Variants in NFIX observed in about 807,000 individuals in gnomAD.
NFIX encodes the protein nuclear factor I X.
Under a neutral mutation model 53.3 loss-of-function variants are expected in NFIX, and 2 were observed. The observed-to-expected ratio is 0.04, with a 90% CI of 0.02 to 0.12. The LOEUF (loss-of-function observed/expected upper bound fraction) is 0.12, where lower values mean the gene tolerates loss of function less well. Among genes scored for constraint, NFIX ranks in the 10% least tolerant of loss-of-function variants. The pLI, the probability that NFIX is intolerant of heterozygous loss-of-function variation, is 1.00. For missense variants in NFIX, 310 were observed against 674.5 expected, an observed-to-expected ratio of 0.46 and a Z score of 5.99; for synonymous variants, 244 against 289.0, an observed-to-expected ratio of 0.84 and a Z score of 1.58.
In NFIX at chr19:13,088,147, G is replaced by C; in HGVS notation, c.1402+11G>C. ...CTCCTCCATCACCTTGTAAGTGGACGATGAAACCGAAACCACAACGCCCAG... is the reference window on the plus strand; with the variant it reads ...CTCCTCCATCACCTTGTAAGTGGACCATGAAACCGAAACCACAACGCCCAG... On this transcript the variant is annotated intron_variant, in intron 9 of 10. Coordinates refer to ENST00000592199, the MANE Select transcript of NFIX (RefSeq NM_001365902.3). The surrounding 1 kb of genome is among the most constrained non-coding windows in gnomAD (Gnocchi z 5.9). The C allele has an allele frequency of 6.5e-7, 1 of 1,536,418 alleles. No individual in the cohort carries two copies.
intron 1 of NFIX, among the ~76,000 whole-genome samples, chr19:13,017,970 C>T (rs758380607): frequency 1.3e-5 from 2 of 152,218 alleles, no homozygotes; most frequent in African/African-American, 4.8e-5. Flanking sequence ...CTGTCCTTCA[C>T]GCACTTCGGA....
intron 2 of NFIX, among the ~76,000 whole-genome samples, chr19:13,064,451 GCCCTCTCT>G (rs1426853782): frequency 6.6e-6 from 1 of 152,208 alleles, no homozygotes. Flanking sequence ...TTCCCTGTTG[GCCCTCTCT>G]CCCCCACCCC....
At position 12,996,005 on chromosome 19, in the gene NFIX, G is replaced by A; in HGVS notation, c.27+141G>A. On this transcript the variant is annotated intron_variant, in intron 1 of 10. Coordinates refer to ENST00000592199, the MANE Select transcript of NFIX (RefSeq NM_001365902.3). The surrounding 1 kb of genome is among the most constrained non-coding windows in gnomAD (Gnocchi z 5.2). The stretch of plus-strand genomic sequence containing the variant: ...GCCGCCGAGGGGTGCAGGCTGTGCC[G>A]CGGGGAGCCCAGGCACGCGTGCGGG... The A allele has an allele frequency of 4.6e-6, 1 of 216,500 alleles. No homozygotes were observed. The highest frequency in any genetic ancestry group is 7.8e-6 in the Non-Finnish European group (1 of 127,932). 13.4% of individuals were successfully genotyped at this position (216,500 alleles called of 1,614,324 possible).
chr19:13,014,976 G>T lies in NFIX; in HGVS notation c.28-10045G>T, dbSNP rs1053191191. ...TCCTGAAGTGCCTGAGGAAGAAACAGCAATGAGAAAGCAATGGGAAAAATG... is the reference window on the plus strand; with the variant it reads ...TCCTGAAGTGCCTGAGGAAGAAACATCAATGAGAAAGCAATGGGAAAAATG... On this transcript the variant is annotated intron_variant, in intron 1 of 10. Transcript: ENST00000592199. This position sits in a 1 kb window ranked among gnomAD's most constrained non-coding sequence, Gnocchi z 4.4. Among the ~76,000 whole-genome samples the T allele has an allele frequency of 6.6e-6, 1 of 152,226 alleles. No homozygotes were observed. Among genetic ancestry groups the T allele is most frequent in the Non-Finnish European group, 1.5e-5 (1 of 68,030 alleles).
At chr19:13,034,525 C>T (rs1051721093) in intron 2 of NFIX, among the ~76,000 whole-genome samples, 3 of 152,194 alleles carry the variant, frequency 2.0e-5, no homozygotes, top group African/African-American at 7.2e-5. Context: ...GTAGAGGAGG[C>T]AGGAAGTCTA....
rs1165618689 is a variant in NFIX, at chr19:13,011,545, G to T, written c.28-13476G>T. ...TGGAGGGGTGGGAGCAGAGGCAGGG[G>T]GGTGTGCCGGGACTCCCCAGACGCT... On this transcript the variant is annotated intron_variant, in intron 1 of 10. Coordinates refer to ENST00000592199, the MANE Select transcript of NFIX (RefSeq NM_001365902.3). The surrounding 1 kb of genome is among the most constrained non-coding windows in gnomAD (Gnocchi z 6.5). Among the ~76,000 whole-genome samples the T allele has an allele frequency of 6.6e-6, 1 of 152,102 alleles. No homozygotes were observed. Among genetic ancestry groups the T allele is most frequent in the African/African-American group, 2.4e-5 (1 of 41,424 alleles).
At chr19:13,053,706 T>C (rs184347783) in intron 2 of NFIX, among the ~76,000 whole-genome samples, 1 of 152,256 alleles carries the variant, frequency 6.6e-6, no homozygotes, top group East Asian at 1.9e-4. Context: ...TTGGGACATA[T>C]ACCCCCACCA....
chr19:13,062,597 C>A (rs950498378), intron 2 of NFIX, among the ~76,000 whole-genome samples: 1 of 152,218 alleles, frequency 6.6e-6, no homozygotes, highest in Non-Finnish European at 1.5e-5. Flanking sequence ...TCATGCCTTC[C>A]AGAGCTAGAG....
In NFIX at chr19:12,998,118, T is replaced by C. The variant is rs1430721342; in HGVS notation, c.27+2254T>C. ...GTCTCTGTTTTTATGACAACCTCTTTCCTTTGCTGTCTTTTTCTCGGTCTG... is the reference window on the plus strand; with the variant it reads ...GTCTCTGTTTTTATGACAACCTCTTCCCTTTGCTGTCTTTTTCTCGGTCTG... On this transcript the variant is annotated intron_variant, in intron 1 of 10. Transcript: ENST00000592199. This position sits in a 1 kb window ranked among gnomAD's most constrained non-coding sequence, Gnocchi z 4.4. Among the ~76,000 whole-genome samples, 2 of 152,214 alleles carry C rather than the reference T, an allele frequency of 1.3e-5. No homozygotes were observed. Among genetic ancestry groups the C allele is most frequent in the Non-Finnish European group, 1.5e-5 (1 of 68,036 alleles).
Position 13,093,866 on chromosome 19 carries a change from A to G in NFIX, c.1495-769A>G, listed in dbSNP as rs2018283661. Among the ~76,000 whole-genome samples the G allele has an allele frequency of 6.6e-6, 1 of 152,078 alleles. No homozygotes were observed. The highest frequency in any genetic ancestry group is 2.1e-4 in the South Asian group (1 of 4,830). ...CCTTGGATGGAGGGCGTAGCCAAGC[A>G]GCCCAGACCCTTGGGGTCTGCCCTG... On this transcript the variant is annotated intron_variant, in intron 10 of 10. Coordinates refer to ENST00000592199, the MANE Select transcript of NFIX (RefSeq NM_001365902.3). This position sits in a 1 kb window ranked among gnomAD's most constrained non-coding sequence, Gnocchi z 4.7.
intron 2 of NFIX, chr19:13,071,489 G>T (rs2016774825): frequency 6.6e-6 from 1 of 152,178 alleles, no homozygotes; most frequent in African/African-American, 2.4e-5. Context: ...AACCTCTTTT[G>T]CCAAACACAC....
In NFIX at chr19:13,049,595, C is replaced by CTTTTTTTTTTTTTTTTT. The variant is rs71168649; in HGVS notation, c.560-23436_560-23435insTTTTTTTTTTTTTTTTT. The stretch of plus-strand genomic sequence containing the variant: ...TTGTAGCAGCAAGTGTCAGTGGTTC[C>CTTTTTTTTTTTTTTTTT]TTTTTTTTTTTTTTTTGAGACAGAG... On this transcript the variant is annotated intron_variant, in intron 2 of 10. Coordinates refer to ENST00000592199, the MANE Select transcript of NFIX (RefSeq NM_001365902.3). The surrounding 1 kb of genome is among the most constrained non-coding windows in gnomAD (Gnocchi z 4.5). Among the ~76,000 whole-genome samples the CTTTTTTTTTTTTTTTTT allele has an allele frequency of 8.1e-6, 1 of 122,790 alleles. No homozygotes were observed. Among genetic ancestry groups the CTTTTTTTTTTTTTTTTT allele is most frequent in the Non-Finnish European group, 1.8e-5 (1 of 56,594 alleles). The allele number at this position is 122,790 out of a possible 152,430, so 80.6% of individuals were successfully genotyped here. A position where few individuals can be genotyped will look rare whatever the true frequency, so the allele number is the denominator to read the frequency against.
intron 2 of NFIX, among the ~76,000 whole-genome samples, chr19:13,026,750 G>C (rs1483628276): frequency 9.7e-4 from 115 of 118,396 alleles, no homozygotes; most frequent in Admixed American, 8.6e-3. Flanking sequence ...CTCTCTGTGT[G>C]TGTGTGTGTG....
rs2017213603 is a variant in NFIX, at chr19:13,078,010, C to A, written c.956-603C>A. 6.6e-6 allele frequency among the ~76,000 whole-genome samples: 1 copy of A among 152,198 alleles called. No homozygotes were observed. The highest frequency in any genetic ancestry group is 2.4e-5 in the African/African-American group (1 of 41,448). The stretch of plus-strand genomic sequence containing the variant: ...CTTCTCCCCTCTGGCTCTGCCTGCA[C>A]AGCCCGGCTAGGCCTGAGCAGCCCA... On this transcript the variant is annotated intron_variant, in intron 6 of 10. Coordinates refer to ENST00000592199, the MANE Select transcript of NFIX (RefSeq NM_001365902.3). The surrounding 1 kb of genome is among the most constrained non-coding windows in gnomAD (Gnocchi z 4.7).
rs918090280 is a variant in NFIX, at chr19:13,093,307, G to C, written c.1495-1328G>C. ...CTCAGTCCCAAACCAGAGCCTGAGAGCAGGTCTGGCCTGCAGGCAGAATGT... is the reference window on the plus strand; with the variant it reads ...CTCAGTCCCAAACCAGAGCCTGAGACCAGGTCTGGCCTGCAGGCAGAATGT... On this transcript the variant is annotated intron_variant, in intron 10 of 10. Coordinates refer to ENST00000592199, the MANE Select transcript of NFIX (RefSeq NM_001365902.3). This position sits in a 1 kb window ranked among gnomAD's most constrained non-coding sequence, Gnocchi z 4.7. Among the ~76,000 whole-genome samples, 3 of 152,266 alleles carry C rather than the reference G, an allele frequency of 2.0e-5. No individual in the cohort carries two copies. The highest frequency in any genetic ancestry group is 4.8e-5 in the African/African-American group (2 of 41,474).
chr19:12,998,892 T>A lies in NFIX; in HGVS notation c.27+3028T>A, dbSNP rs2011568084. On this transcript the variant is annotated intron_variant, in intron 1 of 10. Coordinates refer to ENST00000592199, the MANE Select transcript of NFIX (RefSeq NM_001365902.3). This position sits in a 1 kb window ranked among gnomAD's most constrained non-coding sequence, Gnocchi z 4.4. ...TGACGCACGTATGGACACAGGAAAC[T>A]GTGGACTTGTGTTCACAACCACCCC... Among the ~76,000 whole-genome samples, 1 of 152,138 alleles carries A rather than the reference T, an allele frequency of 6.6e-6. No homozygotes were observed. Among genetic ancestry groups the A allele is most frequent in the African/African-American group, 2.4e-5 (1 of 41,412 alleles).
chr19:13,092,797 G>A (rs905360516), intron 10 of NFIX, among the ~76,000 whole-genome samples: 3 of 152,222 alleles, frequency 2.0e-5, no homozygotes, highest in Non-Finnish European at 2.9e-5. Flanking sequence ...AGCTGGCTGC[G>A]GGCCGGTTCT....
intron 2 of NFIX, among the ~76,000 whole-genome samples, chr19:13,030,975 C>G (rs1056849803): frequency 1.3e-5 from 2 of 152,220 alleles, no homozygotes; most frequent in Non-Finnish European, 2.9e-5. Flanking sequence ...ACATTCGTGT[C>G]TGTTAATACA....
Position 13,073,770 on chromosome 19 carries a change from A to G in NFIX, c.698-136A>G, listed in dbSNP as rs1269794750. 8.3e-7 allele frequency: 1 copy of G among 1,207,726 alleles called. No individual in the cohort carries two copies. Among genetic ancestry groups the G allele is most frequent in the African/African-American group, 1.5e-5 (1 of 66,138 alleles). The allele number at this position is 1,207,726 out of a possible 1,614,324, so 74.8% of individuals were successfully genotyped here. A position where few individuals can be genotyped will look rare whatever the true frequency, so the allele number is the denominator to read the frequency against. ...GGGAGGAGGTTCCTCAGCAGCCCAG[A>G]TGGCCCACTTTCTCCCATCTCCTGG... On this transcript the variant is annotated intron_variant, in intron 4 of 10. Coordinates refer to ENST00000592199, the MANE Select transcript of NFIX (RefSeq NM_001365902.3). This position sits in a 1 kb window ranked among gnomAD's most constrained non-coding sequence, Gnocchi z 4.5.
Sources: allele counts gnomAD v4.1 joint callset (sites outside exome capture counted in the v4.1 genomes callset), GRCh38; gene constraint gnomAD v4.1.1; non-coding constraint Gnocchi (gnomAD v3.1); transcripts MANE v1.5; gene names NCBI Gene and HGNC (gene_info 2026-07-23, HGNC 2026-07-21).